The following PRDM12 variants were observed in gnomAD, a reference collection of about 807,000 sequenced individuals.
PRDM12 encodes the protein PR domain zinc finger protein 12.
Under a neutral mutation model 29.6 loss-of-function variants are expected in PRDM12, and 17 were observed. The ratio of observed to expected loss-of-function variants is 0.57; its 90% CI spans 0.39 to 0.86. The LOEUF is 0.86. Among genes scored for constraint, PRDM12 ranks in the 40% least tolerant of loss-of-function variants. PRDM12 has a pLI of 0.00. For missense variants in PRDM12, 422 were observed against 510.8 expected, an observed-to-expected ratio of 0.83 and a Z score of 1.68; for synonymous variants, 231 against 225.8, an observed-to-expected ratio of 1.02 and a Z score of -0.21.
chr9:130,667,535 C>CG lies in PRDM12; in HGVS notation c.415-623_415-622insG, dbSNP rs1252188346. On this transcript the variant is annotated intron_variant, in intron 2 of 4. Transcript: ENST00000253008. ...CTCGCCCGCTCCCCCACTCCAGCTCCCCCCGGCGGACCCTGGAGAAGCCCA... is the reference window on the plus strand; with the variant it reads ...CTCGCCCGCTCCCCCACTCCAGCTCCGCCCCGGCGGACCCTGGAGAAGCCCA... Among the ~76,000 whole-genome samples the CG allele has an allele frequency of 3.9e-5, 6 of 152,076 alleles. No individual in the cohort carries two copies. In the East Asian group the frequency reaches 9.7e-4, roughly 25 times the overall value.
chr9:130,680,570 G>A (rs1425868497), intron 4 of PRDM12, among the ~76,000 whole-genome samples: 15 of 146,892 alleles, frequency 1.0e-4, no homozygotes, highest in African/African-American at 3.6e-4. Context: ...AGGCTGCAGT[G>A]AGCCGAGATC....
At chr9:130,679,789 T>C (rs1830877277) in intron 4 of PRDM12, among the ~76,000 whole-genome samples, 1 of 152,196 alleles carries the variant, frequency 6.6e-6, no homozygotes, top group South Asian at 2.1e-4. Flanking sequence ...GCCTCCCAGG[T>C]AGCTGGGACC....
chr9:130,677,983 C>G (rs537925893), intron 3 of PRDM12, among the ~76,000 whole-genome samples: 2 of 151,064 alleles, frequency 1.3e-5, no homozygotes, highest in African/African-American at 4.9e-5. Context: ...TAGCATCTGC[C>G]GTGTGCACAG....
At position 130,681,583 on chromosome 9, in the gene PRDM12, C is replaced by CCGCACG. The variant is rs1288821918; in HGVS notation, c.1028_1033dup (p.His343_Ala344dup). ...GGCACACTCGCCCGCGCTGCCCGCC[C>CCGCACG]CGCACGCGCACGCGCCCGCGCTCGC... On this transcript the variant is annotated inframe_insertion, in exon 5 of 5. Coordinates refer to ENST00000253008, the MANE Select transcript of PRDM12 (RefSeq NM_021619.3). This position sits in a 1 kb window ranked among gnomAD's most constrained non-coding sequence, Gnocchi z 8.1. 6.8e-4 allele frequency: 795 copies of CCGCACG among 1,166,348 alleles called. 8 individuals are homozygous for CCGCACG. The African/African-American group carries it at 0.012, about 17-fold the overall frequency. 72.2% of individuals were successfully genotyped at this position (1,166,348 alleles called of 1,614,324 possible).
intron 2 of PRDM12, 70 bp downstream of exon 2, chr9:130,666,868 G>T (rs1482328746): frequency 1.3e-6 from 2 of 1,505,766 alleles, no homozygotes; most frequent in Non-Finnish European, 8.9e-7. Context: ...GGACTCGGGC[G>T]TCCGGCCGTC....
At chr9:130,680,659 ATTTTTT>A (rs767033169) in intron 4 of PRDM12, among the ~76,000 whole-genome samples, 1 of 72,200 alleles carries the variant, frequency 1.4e-5, no homozygotes, top group East Asian at 6.4e-4. Flanking sequence ...ATATATATAT[ATTTTTT>A]TTTTTTTTAA....
intron 4 of PRDM12, among the ~76,000 whole-genome samples, chr9:130,680,973 T>G (rs1830894480): frequency 1.3e-5 from 2 of 152,098 alleles, no homozygotes; most frequent in African/African-American, 2.4e-5. Context: ...ATTTTACAGA[T>G]GAGAAAGCTG....
intron 3 of PRDM12, among the ~76,000 whole-genome samples, chr9:130,675,764 C>T (rs1830836641): frequency 6.6e-6 from 1 of 152,236 alleles, no homozygotes; most frequent in Admixed American, 6.5e-5. Flanking sequence ...TGGATCCCAA[C>T]ATGTCTGACT....
rs1315761866 is a variant in PRDM12, at chr9:130,670,717, A to G, written c.570+2404A>G. Among the ~76,000 whole-genome samples the G allele has an allele frequency of 2.6e-5, 4 of 152,298 alleles. No individual in the cohort carries two copies. The East Asian group carries it at 7.7e-4, about 29-fold the overall frequency. On this transcript the variant is annotated intron_variant, in intron 3 of 4. Transcript: ENST00000253008. ...CGCCTTCATACGCTCTTTCCCAGCCATCCTGATACAGATGTGATGGAGGGC... is the reference window on the plus strand; with the variant it reads ...CGCCTTCATACGCTCTTTCCCAGCCGTCCTGATACAGATGTGATGGAGGGC...
At chr9:130,667,390 G>A (rs185236419) in intron 2 of PRDM12, among the ~76,000 whole-genome samples, 9 of 152,254 alleles carry the variant, frequency 5.9e-5, no homozygotes, top group African/African-American at 1.9e-4. Flanking sequence ...TCCATCCTAG[G>A]CCTTTCCACC....
chr9:130,672,487 C>A (rs1830797852), intron 3 of PRDM12, among the ~76,000 whole-genome samples: 1 of 152,228 alleles, frequency 6.6e-6, no homozygotes, highest in Non-Finnish European at 1.5e-5. Context: ...CTGCACCTGG[C>A]CAGCAACTAT....
intron 3 of PRDM12, among the ~76,000 whole-genome samples, chr9:130,677,365 A>C (rs946307631): frequency 3.3e-5 from 5 of 152,238 alleles, no homozygotes; most frequent in Admixed American, 2.0e-4. Context: ...AAGCAGACAC[A>C]GAGGGGGCCC....
At chr9:130,677,571 T>C (rs1192709384) in intron 3 of PRDM12, among the ~76,000 whole-genome samples, 8 of 152,236 alleles carry the variant, frequency 5.3e-5, no homozygotes, top group Non-Finnish European at 7.4e-5. Flanking sequence ...AGGCCAGCAC[T>C]TCTGGAGTCC....
rs766588390 is a variant in PRDM12 at position 130,664,658 on chromosome 9, T to G, written c.5T>G (p.Met2Arg). The G allele has an allele frequency of 1.1e-5, 17 of 1,580,072 alleles. No individual in the cohort carries two copies. The highest frequency in any genetic ancestry group is 1.5e-5 in the Non-Finnish European group (17 of 1,166,518). Residue 2 changes from methionine (M) to arginine (R), a missense_variant, in exon 1 of 5, where the codon ATG (methionine) becomes AGG (arginine). Around this residue, in one of 5 missense-constraint regions of PRDM12, gnomAD observed 300 missense variants for 350.0 expected, o/e 0.86. Coordinates refer to ENST00000253008, the MANE Select transcript of PRDM12 (RefSeq NM_021619.3). The surrounding 1 kb of genome is among the most constrained non-coding windows in gnomAD (Gnocchi z 6.4). ...CCGGGGAGCTCCGGGCCGCCCATGA[T>G]GGGCTCCGTGCTCCCGGCTGAGGCC... is the stretch of plus-strand genomic sequence containing the variant. M[M>R]GSVLPAEALV...
intron 3 of PRDM12, among the ~76,000 whole-genome samples, chr9:130,669,458 G>A (rs1830767429): frequency 6.6e-6 from 1 of 152,080 alleles, no homozygotes; most frequent in African/African-American, 2.4e-5. Context: ...GGGAGGCAGA[G>A]GTTGCAGTGA....
At position 130,666,678 on chromosome 9, in the gene PRDM12, G is replaced by A; in HGVS notation, c.294G>A (p.Glu98=). 1 of 1,613,478 alleles carries A rather than the reference G, an allele frequency of 6.2e-7. No homozygotes were observed. Among genetic ancestry groups the A allele is most frequent in the Admixed American group, 1.7e-5 (1 of 59,986 alleles). ...VIIAQSSIPG[E]GLGIFSKTWI... is the part of the protein sequence containing the mutation. The stretch of plus-strand genomic sequence containing the variant: ...TCGCTCAGAGCTCCATCCCTGGCGA[G>A]GGCCTCGGCATCTTCTCCAAGACGT... The change falls in exon 2 of 5, where the codon GAG becomes GAA. Residue 98 remains glutamate, a synonymous_variant. Coordinates refer to ENST00000253008, the MANE Select transcript of PRDM12 (RefSeq NM_021619.3).
chr9:130,666,767 A>G lies in PRDM12; in HGVS notation c.383A>G (p.Asp128Gly). ...CGCGTGATCGCCCCGGAGCACGTGG[A>G]CATCTGCAAGAACAACAACCTCATG... Reference protein sequence around the residue: ...TGRVIAPEHVDICKNNNLMWE... With the variant: ...TGRVIAPEHVGICKNNNLMWE... The change falls in exon 2 of 5, where the codon GAC becomes GGC. Residue 128 changes from aspartate to glycine, a missense_variant. Coordinates refer to ENST00000253008, the MANE Select transcript of PRDM12 (RefSeq NM_021619.3). 6.2e-7 allele frequency: 1 copy of G among 1,611,596 alleles called. No homozygotes were observed. The highest frequency in any genetic ancestry group is 8.5e-7 in the Non-Finnish European group (1 of 1,179,138).
rs1830897329 is a variant in PRDM12, at chr9:130,681,235, G to A, written c.683-13G>A. ...CGTCTCCCTTCCCCCGCCCCGCCCC[G>A]CCCCGCGGCCAGAGGACTTCCACCC... On this transcript the variant is annotated splice_polypyrimidine_tract_variant and intron_variant, in intron 4 of 4. Coordinates refer to ENST00000253008, the MANE Select transcript of PRDM12 (RefSeq NM_021619.3). This position sits in a 1 kb window ranked among gnomAD's most constrained non-coding sequence, Gnocchi z 8.1. 6.9e-7 allele frequency: 1 copy of A among 1,443,256 alleles called. No individual in the cohort carries two copies. Among genetic ancestry groups the A allele is most frequent in the African/African-American group, 1.5e-5 (1 of 68,460 alleles). 89.4% of individuals were successfully genotyped at this position (1,443,256 alleles called of 1,614,324 possible).
intron 4 of PRDM12, among the ~76,000 whole-genome samples, chr9:130,680,622 CTAAAAAAAAAAAATATATATATATA>C (rs1830885070): frequency 1.9e-5 from 1 of 53,060 alleles, no homozygotes; most frequent in South Asian, 7.9e-4. Flanking sequence ...GAGACTCCGT[CTAAAAAAAAAAAATATATATATATA>C]TATATATATA....
Sources: allele counts gnomAD v4.1 joint callset (sites outside exome capture counted in the v4.1 genomes callset), GRCh38; gene constraint gnomAD v4.1.1; regional missense constraint gnomAD v4.1.1; non-coding constraint Gnocchi (gnomAD v3.1); transcripts MANE v1.5; gene names NCBI Gene and HGNC (gene_info 2026-07-23, HGNC 2026-07-21).